The following DCDC1 variants were observed in gnomAD, a reference collection of about 807,000 sequenced individuals.
DCDC1 encodes doublecortin domain-containing protein 1.
In DCDC1, 200 loss-of-function variants were observed where a neutral mutation model predicts 178.3. The ratio of observed to expected loss-of-function variants is 1.12; its 90% CI spans 1.00 to 1.26. DCDC1 has a LOEUF of 1.26. Among genes scored for constraint, DCDC1 ranks in the 50% most tolerant of loss-of-function variants. DCDC1 has a pLI of 0.00. For synonymous variants in DCDC1, 690 were observed against 604.8 expected, an observed-to-expected ratio of 1.14 and a Z score of -2.07; for missense variants, 1,983 against 1,749.2, an observed-to-expected ratio of 1.13 and a Z score of -2.38.
At chr11:31,177,291 C>T (rs570799496) in intron 9 of DCDC1, among the ~76,000 whole-genome samples, 1 of 150,728 alleles carries the variant, frequency 6.6e-6, no homozygotes, top group African/African-American at 2.4e-5. Context: ...GAAAGTATAG[C>T]AAATGGACAA....
intron 34 of DCDC1, 104 bp from the exon 35 acceptor site, chr11:30,894,488 T>G: frequency 2.1e-6 from 3 of 1,451,726 alleles, no homozygotes; most frequent in Non-Finnish European, 2.8e-6. Context: ...CACAGGAGCA[T>G]AAGCTAAAAT....
At chr11:30,989,641 G>C (rs1950860042) in intron 20 of DCDC1, among the ~76,000 whole-genome samples, 1 of 152,124 alleles carries the variant, frequency 6.6e-6, no homozygotes, top group Non-Finnish European at 1.5e-5. Context: ...CTAAGATGGA[G>C]CACTACCAGG....
intron 6 of DCDC1, among the ~76,000 whole-genome samples, chr11:31,294,870 A>AAAGAAAG (rs1565567555): frequency 1.3e-5 from 2 of 149,510 alleles, no homozygotes; most frequent in African/African-American, 2.5e-5. Flanking sequence ...AAGAAAGAAA[A>AAAGAAAG]AGAAAACAGA....
At chr11:31,208,304 C>T (rs967528930) in intron 9 of DCDC1, among the ~76,000 whole-genome samples, 1 of 152,150 alleles carries the variant, frequency 6.6e-6, no homozygotes, top group African/African-American at 2.4e-5. Context: ...CAGGCTAACC[C>T]CAGAAGTAGG....
chr11:30,959,418 G>C (rs1028010119), intron 20 of DCDC1, among the ~76,000 whole-genome samples: 20 of 152,052 alleles, frequency 1.3e-4, no homozygotes, highest in African/African-American at 4.8e-4. Flanking sequence ...GATCTTAGGC[G>C]ACCACTGTAG....
chr11:31,092,926 C>T (rs1002827209), intron 16 of DCDC1, among the ~76,000 whole-genome samples: 2 of 152,070 alleles, frequency 1.3e-5, no homozygotes, highest in East Asian at 1.9e-4. Flanking sequence ...TCAAAGAGAC[C>T]AAGAATCTTT....
chr11:31,206,211 G>A (rs1277475269), intron 9 of DCDC1, among the ~76,000 whole-genome samples: 1 of 152,168 alleles, frequency 6.6e-6, no homozygotes, highest in African/African-American at 2.4e-5. Context: ...TGGTTAAAAA[G>A]GGAAAAGTAT....
chr11:31,225,098 AT>A (rs747859540), intron 9 of DCDC1, among the ~76,000 whole-genome samples: 73 of 152,298 alleles, frequency 4.8e-4, no homozygotes, highest in Non-Finnish European at 9.7e-4. Context: ...TTGCAAAAAT[AT>A]GGAACAAGCC....
chr11:30,990,895 T>C (rs1319920197), intron 20 of DCDC1, among the ~76,000 whole-genome samples: 3 of 152,184 alleles, frequency 2.0e-5, no homozygotes, highest in African/African-American at 7.2e-5. Context: ...AACTTCCCAT[T>C]CTTGTGACAT....
intron 9 of DCDC1, among the ~76,000 whole-genome samples, chr11:31,194,379 T>A (rs1380400652): frequency 1.3e-5 from 2 of 152,124 alleles, no homozygotes; most frequent in South Asian, 2.1e-4. Context: ...AGTTATTTTT[T>A]TCTGATTAGT....
intron 20 of DCDC1, among the ~76,000 whole-genome samples, chr11:31,024,348 G>T (rs1818019158): frequency 6.6e-6 from 1 of 151,800 alleles, no homozygotes; most frequent in Non-Finnish European, 1.5e-5. Flanking sequence ...ATTATCTACA[G>T]GTCTCATGTT....
intron 9 of DCDC1, among the ~76,000 whole-genome samples, chr11:31,144,677 A>G (rs978826759): frequency 6.6e-6 from 1 of 151,784 alleles, no homozygotes; most frequent in African/African-American, 2.4e-5. Context: ...CTTTTTTTCT[A>G]TGTATTTTCT....
chr11:31,089,862 G>A (rs896132429), intron 17 of DCDC1, among the ~76,000 whole-genome samples: 1 of 152,076 alleles, frequency 6.6e-6, no homozygotes, highest in African/African-American at 2.4e-5. Context: ...AGTTAAAACA[G>A]CTGCTTTAAT....
At chr11:31,075,663 C>T (rs1049711674) in intron 18 of DCDC1, among the ~76,000 whole-genome samples, 5 of 152,144 alleles carry the variant, frequency 3.3e-5, no homozygotes, top group African/African-American at 1.2e-4. Flanking sequence ...ATTTTTTATA[C>T]CCTTGTTGGC....
In DCDC1 at chr11:30,863,845, G is replaced by A. The variant is rs1338869050; in HGVS notation, c.*1528C>T. 1.3e-5 allele frequency: 2 copies of A among 152,166 alleles called. No individual in the cohort carries two copies. Among genetic ancestry groups the A allele is most frequent in the African/African-American group, 2.4e-5 (1 of 41,438 alleles). The allele number at this position is 152,166 out of a possible 1,614,324, so 9.4% of individuals were successfully genotyped here. On this transcript the variant is annotated 3_prime_UTR_variant, in exon 39 of 39. Coordinates refer to ENST00000684477, the MANE Select transcript of DCDC1 (RefSeq NM_001387274.1). ...CAGTTCTGTGCACAAACATTTTTTG[G>A]GCTGGGTGTGGTGGCTTACGCCTGT... is the stretch of plus-strand genomic sequence containing the variant.
intron 21 of DCDC1, 144 bp downstream of exon 21, chr11:30,952,301 A>G (rs1429114076): frequency 3.2e-6 from 2 of 625,268 alleles, no homozygotes; most frequent in African/African-American, 3.7e-5. Flanking sequence ...TAATTAATTG[A>G]TAGAACAACA....
At chr11:31,089,408 G>A (rs1385463181) in intron 17 of DCDC1, among the ~76,000 whole-genome samples, 1 of 151,950 alleles carries the variant, frequency 6.6e-6, no homozygotes, top group East Asian at 1.9e-4. Flanking sequence ...ATGTGCCTTG[G>A]TTTTGTCTCT....
At position 31,327,977 on chromosome 11, in the gene DCDC1, G is replaced by T. The variant is rs1266550629; in HGVS notation, c.164+140C>A. On this transcript the variant is annotated intron_variant, in intron 3 of 38. Transcript: ENST00000684477. The stretch of plus-strand genomic sequence containing the variant: ...ACTTCTAACCTCAAGTGATCCACCT[G>T]CCTCGGCCTCCCAAAGTGCTGGGAT... 1.6e-5 allele frequency: 12 copies of T among 756,260 alleles called. No homozygotes were observed. The East Asian group carries it at 4.2e-4, about 26-fold the overall frequency. The allele number at this position is 756,260 out of a possible 1,614,324, so 46.8% of individuals were successfully genotyped here. A position where few individuals can be genotyped will look rare whatever the true frequency, so the allele number is the denominator to read the frequency against.
Position 30,899,550 on chromosome 11 carries a change from G to T in DCDC1, c.4756C>A (p.Gln1586Lys). The change falls in exon 34 of 39, where the codon CAG becomes AAG. Residue 1586 changes from glutamine (Q) to lysine (K), a missense_variant. Coordinates refer to ENST00000684477, the MANE Select transcript of DCDC1 (RefSeq NM_001387274.1). ...TATAGTTCATACTGACCTTTTAACT[G>T]TCTCATTTTGTGTCTCATGGTATCT... ...DLDTMRHKMR[Q>K]LKGRRVAACQ... 1 of 1,566,478 alleles carries T rather than the reference G, an allele frequency of 6.4e-7. No individual in the cohort carries two copies. The highest frequency in any genetic ancestry group is 8.6e-7 in the Non-Finnish European group (1 of 1,157,176).
Sources: gnomAD v4.1 joint callset for allele counts (sites outside exome capture counted in the v4.1 genomes callset) on GRCh38, gnomAD v4.1.1 for gene constraint, MANE v1.5 for transcripts, NCBI Gene and HGNC (gene_info 2026-07-23, HGNC 2026-07-21) for gene names.